KCNH1: variants seen among roughly 807,000 people sequenced by gnomAD.
The protein encoded by KCNH1 is voltage-gated delayed rectifier potassium channel KCNH1.
KCNH1 carries 27 observed loss-of-function variants against 69.2 expected under a neutral mutation model. The observed-to-expected ratio is 0.39, with a 90% CI of 0.29 to 0.54. KCNH1 has a LOEUF of 0.54. KCNH1 is among the 20% of genes least tolerant of loss of function. The pLI is 0.68. For synonymous variants in KCNH1, 456 were observed against 487.7 expected (o/e 0.93, Z 0.86); for missense variants, 798 against 1,261.6 (o/e 0.63, Z 5.57).
At chr1:210,697,755 G>A (rs914582616) in intron 10 of KCNH1, among the ~76,000 whole-genome samples, 11 of 152,226 alleles carry the variant, frequency 7.2e-5, no homozygotes, top group Non-Finnish European at 5.9e-5. Context: ...GTCCCTATGT[G>A]GAGCATGGCC....
chr1:210,967,665 C>T (rs1395854055), intron 6 of KCNH1, among the ~76,000 whole-genome samples: 2 of 152,068 alleles, frequency 1.3e-5, no homozygotes, highest in African/African-American at 4.8e-5. Flanking sequence ...GAATCAATAC[C>T]ATATTGTCCC....
intron 5 of KCNH1, among the ~76,000 whole-genome samples, chr1:211,060,007 C>A (rs1392369108): frequency 6.6e-6 from 1 of 151,870 alleles, no homozygotes; most frequent in Non-Finnish European, 1.5e-5. Flanking sequence ...TTAAAATGTT[C>A]AAAAAATTTA....
At chr1:210,831,511 G>C (rs190651771) in intron 7 of KCNH1, among the ~76,000 whole-genome samples, 1 of 152,158 alleles carries the variant, frequency 6.6e-6, no homozygotes, top group African/African-American at 2.4e-5. Context: ...CCAAACAATG[G>C]AGGAAGTTGC....
At chr1:210,936,379 GCTTTC>G (rs1450024981) in intron 6 of KCNH1, among the ~76,000 whole-genome samples, 29 of 152,226 alleles carry the variant, frequency 1.9e-4, no homozygotes, top group African/African-American at 6.7e-4. Context: ...TTGAAACCTG[GCTTTC>G]CGCCAGCACC....
intron 3 of KCNH1, among the ~76,000 whole-genome samples, chr1:211,092,476 C>A (rs1233095016): frequency 6.6e-6 from 1 of 152,156 alleles, no homozygotes; most frequent in African/African-American, 2.4e-5. Flanking sequence ...TAATTTTAAC[C>A]TTCTTTCCAT....
At chr1:211,090,297 T>C (rs545443398) in intron 4 of KCNH1, among the ~76,000 whole-genome samples, 2 of 152,362 alleles carry the variant, frequency 1.3e-5, no homozygotes, top group South Asian at 4.1e-4. Flanking sequence ...CCAAACTGTC[T>C]TCTTCTGCCT....
intron 7 of KCNH1, among the ~76,000 whole-genome samples, chr1:210,883,783 G>A (rs1168079706): frequency 6.6e-6 from 1 of 152,234 alleles, no homozygotes; most frequent in Admixed American, 6.5e-5. Context: ...AGCAAGCTTG[G>A]TGGAGGTTGA....
At chr1:211,076,725 G>A (rs1035945634) in intron 5 of KCNH1, among the ~76,000 whole-genome samples, 1 of 152,194 alleles carries the variant, frequency 6.6e-6, no homozygotes, top group Non-Finnish European at 1.5e-5. Context: ...GCAGCTCCTC[G>A]CCAGCAATGG....
chr1:210,951,709 C>T (rs545256481), intron 6 of KCNH1, among the ~76,000 whole-genome samples: 3 of 151,990 alleles, frequency 2.0e-5, no homozygotes, highest in African/African-American at 4.8e-5. Context: ...ACCCTTATTA[C>T]GATTATTATT....
chr1:210,917,161 A>T (rs1687351111), intron 7 of KCNH1, among the ~76,000 whole-genome samples: 1 of 150,606 alleles, frequency 6.6e-6, no homozygotes, highest in South Asian at 2.1e-4. Context: ...GAGAGAGAGA[A>T]AGAGAAGAGA....
chr1:210,996,322 C>T (rs914173806), intron 6 of KCNH1, among the ~76,000 whole-genome samples: 8 of 152,214 alleles, frequency 5.3e-5, no homozygotes, highest in Non-Finnish European at 1.2e-4. Context: ...AAAAACGGCA[C>T]ACCAGGAGAT....
intron 6 of KCNH1, among the ~76,000 whole-genome samples, chr1:210,928,507 C>A (rs1687617906): frequency 6.6e-6 from 1 of 152,132 alleles, no homozygotes. Context: ...TTTAAAAATT[C>A]TTTGAACCAA....
rs1340811415 is a variant in KCNH1, at chr1:211,082,785, C to A, written c.553G>T (p.Ala185Ser). 1.2e-6 allele frequency: 2 copies of A among 1,612,952 alleles called. No homozygotes were observed. Among genetic ancestry groups the A allele is most frequent in the Non-Finnish European group, 8.5e-7 (1 of 1,179,074 alleles). ...AGCTAACCCTTTGCCCTTACCTCTGCCAGGCGGGAGTGCTTGTGGACATTC... is the reference window on the plus strand; with the variant it reads ...AGCTAACCCTTTGCCCTTACCTCTGACAGGCGGGAGTGCTTGTGGACATTC... ...GENVHKHSRL[A>S]EVLQLGSDIL... The change falls in exon 5 of 11, where the codon GCA becomes TCA. Residue 185 changes from alanine (A) to serine (S), a missense_variant. Coordinates refer to ENST00000271751, the MANE Select transcript of KCNH1 (RefSeq NM_172362.3).
intron 7 of KCNH1, among the ~76,000 whole-genome samples, chr1:210,854,142 G>A (rs2102470935): frequency 6.6e-6 from 1 of 152,082 alleles, no homozygotes; most frequent in Middle Eastern, 3.4e-3. Context: ...GAGAAAAGGA[G>A]CCTTTTTATT....
chr1:211,025,088 T>C (rs1348334817), intron 5 of KCNH1, among the ~76,000 whole-genome samples: 1 of 152,260 alleles, frequency 6.6e-6, no homozygotes, highest in African/African-American at 2.4e-5. Flanking sequence ...CAAGAGAGAA[T>C]CACCAATGGG....
chr1:210,983,269 A>G (rs1456019842), intron 6 of KCNH1, among the ~76,000 whole-genome samples: 67 of 152,176 alleles, frequency 4.4e-4, no homozygotes, highest in East Asian at 7.7e-4. Flanking sequence ...AAGCTCTTAA[A>G]TTTAATTAAA....
chr1:210,907,734 C>T (rs954293415), intron 7 of KCNH1, among the ~76,000 whole-genome samples: 3 of 152,050 alleles, frequency 2.0e-5, no homozygotes, highest in Non-Finnish European at 4.4e-5. Flanking sequence ...AGATCCATCC[C>T]AGTGGGGGTG....
intron 7 of KCNH1, among the ~76,000 whole-genome samples, chr1:210,841,889 C>A (rs80262359): frequency 0.01 from 1,536 of 152,242 alleles, 31 homozygotes; most frequent in African/African-American, 0.035. Flanking sequence ...CCCATGCACA[C>A]TCTGGAGGGG....
At chr1:210,944,394 GCAAA>G (rs1687922582) in intron 6 of KCNH1, among the ~76,000 whole-genome samples, 1 of 152,340 alleles carries the variant, frequency 6.6e-6, no homozygotes, top group Admixed American at 6.5e-5. Flanking sequence ...CTCCAGGCAA[GCAAA>G]CAGAGCCACA....
Sources: gnomAD v4.1 joint callset for allele counts (sites outside exome capture counted in the v4.1 genomes callset) on GRCh38, gnomAD v4.1.1 for gene constraint, MANE v1.5 for transcripts, NCBI Gene and HGNC (gene_info 2026-07-23, HGNC 2026-07-21) for gene names.